The following DMD variants were observed in gnomAD, a reference collection of about 807,000 sequenced individuals.
The protein encoded by DMD is dystrophin.
DMD carries 63 observed loss-of-function variants against 330.1 expected under a neutral mutation model. The ratio of observed to expected loss-of-function variants is 0.19; its 90% confidence interval spans 0.16 to 0.24. DMD has a LOEUF of 0.24. Among genes scored for constraint, DMD ranks in the 10% least tolerant of loss-of-function variants. The pLI is 1.00. For missense variants in DMD, 3,344 were observed against 2,684.1 expected (o/e 1.25, Z -5.43); for synonymous variants, 1,223 against 959.8 (o/e 1.27, Z -5.07).
intron 17 of DMD, among the ~76,000 whole-genome samples, chrX:32,533,113 C>G (rs921434891): frequency 1.8e-5 from 2 of 111,051 alleles, no homozygotes; most frequent in Non-Finnish European, 3.8e-5. Flanking sequence ...TTCTTTCCCC[C>G]TTCCCAGTCT....
chrX:31,408,409 T>G (rs1269449173), intron 60 of DMD, among the ~76,000 whole-genome samples: 1 of 112,002 alleles, frequency 8.9e-6, no homozygotes, highest in African/African-American at 3.2e-5. Context: ...TTTAAACTTT[T>G]TTTTTTTTTA....
At chrX:32,225,251 C>T (rs2097143756) in intron 43 of DMD, among the ~76,000 whole-genome samples, 2 of 111,553 alleles carry the variant, frequency 1.8e-5, no homozygotes, top group Admixed American at 1.9e-4. Context: ...TCAACTCTGC[C>T]TTGAAGTTCA....
At chrX:32,413,518 C>T (rs2098152746) in intron 29 of DMD, among the ~76,000 whole-genome samples, 1 of 109,512 alleles carries the variant, frequency 9.1e-6, no homozygotes, top group African/African-American at 3.4e-5. Flanking sequence ...TCTCTCTCTC[C>T]ATTGTCTTTA....
At chrX:31,254,494 C>T (rs1026518758) in intron 63 of DMD, among the ~76,000 whole-genome samples, 7 of 110,873 alleles carry the variant, frequency 6.3e-5, no homozygotes. Flanking sequence ...GTATCTGGGA[C>T]TACAGGCACA....
chrX:33,200,539 TG>T (rs937313762), intron 1 of DMD, among the ~76,000 whole-genome samples: 3 of 111,537 alleles, frequency 2.7e-5, no homozygotes, highest in African/African-American at 9.8e-5. Flanking sequence ...CCTAGAAAAG[TG>T]GTATCTCATA....
At chrX:31,932,022 A>G (rs1174160615) in intron 46 of DMD, 58 bp downstream of exon 46, 1 of 1,141,957 alleles carries the variant, frequency 8.8e-7, no homozygotes, top group Non-Finnish European at 1.2e-6. Context: ...ATTAAAAAAT[A>G]GATTCATATA....
intron 2 of DMD, among the ~76,000 whole-genome samples, chrX:32,925,146 T>G (rs923016039): frequency 5.4e-5 from 1 of 18,677 alleles, no homozygotes; most frequent in East Asian, 6.0e-4. Context: ...AAACTCTGGG[T>G]TTTTTTTTTT....
intron 7 of DMD, among the ~76,000 whole-genome samples, chrX:32,757,731 A>C (rs1569511275): frequency 1.8e-5 from 2 of 112,199 alleles, no homozygotes; most frequent in Non-Finnish European, 3.8e-5. Flanking sequence ...ACTATGAGTC[A>C]ATTAAACCTT....
intron 29 of DMD, among the ~76,000 whole-genome samples, chrX:32,426,655 A>G (rs976152110): frequency 3.6e-5 from 4 of 111,628 alleles, no homozygotes; most frequent in African/African-American, 1.3e-4. Flanking sequence ...AGACACATGC[A>G]CACATATGTT....
At chrX:33,027,682 C>T (rs1368854990) in intron 1 of DMD, among the ~76,000 whole-genome samples, 1 of 109,923 alleles carries the variant, frequency 9.1e-6, no homozygotes, top group Non-Finnish European at 1.9e-5. Context: ...TATGTTGATA[C>T]AAATATACAG....
At chrX:33,226,568 C>A in intron 1 of DMD, among the ~76,000 whole-genome samples, 1 of 111,178 alleles carries the variant, frequency 9.0e-6, no homozygotes, top group African/African-American at 3.3e-5. Context: ...TTAAGGAGTG[C>A]CTGAGGGCAG....
Position 31,910,742 on chromosome X carries a change from G to GA in DMD, c.6912+18853dup, listed in dbSNP as rs1476458373. On this transcript the variant is annotated intron_variant, in intron 47 of 78. Coordinates refer to ENST00000357033, the MANE Select transcript of DMD (RefSeq NM_004006.3). Reference sequence around the variant, plus strand: ...GAGATTGGTGGTATTAAGAGAGAAGGAAAAAAGGTAGACTTTCTAAGTGGA... The same window carrying GA: ...GAGATTGGTGGTATTAAGAGAGAAGGAAAAAAAGGTAGACTTTCTAAGTGGA... Among the ~76,000 whole-genome samples, 7 of 111,358 alleles carry GA rather than the reference G, an allele frequency of 6.3e-5. No individual in the cohort carries two copies. The East Asian group carries it at 2.0e-3, about 32-fold the overall frequency.
intron 11 of DMD, among the ~76,000 whole-genome samples, chrX:32,621,047 G>A: frequency 9.0e-6 from 1 of 111,250 alleles, no homozygotes; most frequent in South Asian, 3.9e-4. Flanking sequence ...TGGCGGGTGA[G>A]GGCCACAGAT....
rs61037625 is a variant in DMD, at chrX:31,146,585, A to T, written c.10798-171T>A. Among the ~76,000 whole-genome samples, 9,153 of 112,132 alleles carry T rather than the reference A, an allele frequency of 0.082. 786 individuals are homozygous for T. Among genetic ancestry groups the T allele is most frequent in the African/African-American group, 0.26 (8,011 of 30,661 alleles). ...TTTCACTGTTGATATAATCCATAGAAACTGTCTTTGTATCTGAATTGTGCT... is the reference window on the plus strand; with the variant it reads ...TTTCACTGTTGATATAATCCATAGATACTGTCTTTGTATCTGAATTGTGCT... On this transcript the variant is annotated intron_variant, in intron 75 of 78. Coordinates refer to ENST00000357033, the MANE Select transcript of DMD (RefSeq NM_004006.3).
intron 2 of DMD, among the ~76,000 whole-genome samples, chrX:32,969,027 C>CCAAA (rs2092280100): frequency 5.0e-5 from 1 of 19,813 alleles, no homozygotes; most frequent in African/African-American, 1.6e-4. Context: ...GATTCTGTCT[C>CCAAA]AAAAAAAAAA....
intron 47 of DMD, among the ~76,000 whole-genome samples, chrX:31,910,032 C>T (rs1221915859): frequency 8.9e-6 from 1 of 112,336 alleles, no homozygotes; most frequent in East Asian, 2.8e-4. Context: ...CTAGTAGTAC[C>T]TGCTGTGCCT....
At chrX:31,894,674 C>T (rs2094306490) in intron 47 of DMD, among the ~76,000 whole-genome samples, 1 of 112,124 alleles carries the variant, frequency 8.9e-6, no homozygotes, top group Non-Finnish European at 1.9e-5. Context: ...GGAGATTCTT[C>T]TGAAGTCTAC....
intron 2 of DMD, among the ~76,000 whole-genome samples, chrX:32,883,551 G>A (rs920144129): frequency 3.6e-5 from 4 of 110,635 alleles, no homozygotes; most frequent in Admixed American, 1.9e-4. Context: ...ATGGCCAGGC[G>A]CGGTGGCTCA....
intron 1 of DMD, among the ~76,000 whole-genome samples, chrX:33,089,019 A>T (rs1231181491): frequency 1.9e-5 from 2 of 106,971 alleles, no homozygotes; most frequent in Non-Finnish European, 3.8e-5. Context: ...TCAAACGAAT[A>T]TTGGCGCCAT....
Sources: gnomAD v4.1 joint callset for allele counts (sites outside exome capture counted in the v4.1 genomes callset) on GRCh38, gnomAD v4.1.1 for gene constraint, MANE v1.5 for transcripts, NCBI Gene and HGNC (gene_info 2026-07-23, HGNC 2026-07-21) for gene names.